Variants in CAPSL observed in about 807,000 individuals in gnomAD.
CAPSL encodes the protein calcyphosine like, also known as calcyphosin-like protein.
CAPSL carries 17 observed loss-of-function variants against 21.3 expected under a neutral mutation model. That is an observed-to-expected ratio of 0.80 (90% CI 0.55 to 1.20). The LOEUF (loss-of-function observed/expected upper bound fraction) is 1.20. CAPSL is among the 50% of genes most tolerant of loss of function. CAPSL has a pLI of 0.00. For synonymous variants in CAPSL, 102 were observed against 89.3 expected (o/e 1.14, Z -0.80); for missense variants, 289 against 259.3 (o/e 1.11, Z -0.79).
At chr5:35,931,160 C>T (rs559501893) in intron 1 of CAPSL, among the ~76,000 whole-genome samples, 2 of 152,244 alleles carry the variant, frequency 1.3e-5, no homozygotes, top group Admixed American at 6.5e-5. Flanking sequence ...AAAAATATTC[C>T]TAACTGATAC....
intron 2 of CAPSL, among the ~76,000 whole-genome samples, chr5:35,914,762 G>C (rs1387683720): frequency 2.0e-5 from 3 of 152,176 alleles, no homozygotes; most frequent in Admixed American, 2.0e-4. Flanking sequence ...AAGCAGGAAA[G>C]ATCTAAAATT....
intron 1 of CAPSL, among the ~76,000 whole-genome samples, chr5:35,926,350 T>A (rs1160062598): frequency 6.6e-6 from 1 of 152,150 alleles, no homozygotes; most frequent in East Asian, 1.9e-4. Context: ...AGGGAGGATA[T>A]TCACAGAAGC....
At chr5:35,932,803 C>CGTCA (rs1738854386) in intron 1 of CAPSL, among the ~76,000 whole-genome samples, 1 of 152,184 alleles carries the variant, frequency 6.6e-6, no homozygotes, top group East Asian at 1.9e-4. Flanking sequence ...TAAGGGCAGA[C>CGTCA]GTCAACACAT....
At chr5:35,922,642 A>C (rs1016709985) in intron 1 of CAPSL, among the ~76,000 whole-genome samples, 5 of 152,158 alleles carry the variant, frequency 3.3e-5, no homozygotes, top group Non-Finnish European at 7.4e-5. Context: ...AGAGACTTCC[A>C]TCTCCGTTCT....
rs376157808 is a variant in CAPSL at position 35,904,620 on chromosome 5, G to A, written c.552C>T (p.Tyr184=). 1 of 1,612,996 alleles carries A rather than the reference G, an allele frequency of 6.2e-7. No homozygotes were observed. Among genetic ancestry groups the A allele is most frequent in the Non-Finnish European group, 8.5e-7 (1 of 1,179,640 alleles). ...GLVTPEEFMN[Y]YAGVSASIDT... is the part of the protein sequence containing the mutation. ...CAATGGATGCGCTCACACCTGCATA[G>A]TAGTTCATGAACTCCTCAGGGGTCA... The change falls in exon 5 of 5, where the codon TAC becomes TAT. Residue 184 remains tyrosine (Y), a synonymous_variant. Coordinates refer to ENST00000651391, the MANE Select transcript of CAPSL (RefSeq NM_001042625.2).
chr5:35,921,834 C>A (rs922726926), intron 1 of CAPSL, among the ~76,000 whole-genome samples: 3 of 151,894 alleles, frequency 2.0e-5, no homozygotes, highest in Non-Finnish European at 4.4e-5. Context: ...ACCCCTCACC[C>A]CCATCTGCCT....
chr5:35,935,358 G>A (rs1580899678), intron 1 of CAPSL, among the ~76,000 whole-genome samples: 1 of 150,380 alleles, frequency 6.6e-6, no homozygotes, highest in East Asian at 1.9e-4. Flanking sequence ...TCTGAGACAG[G>A]GTCTCACTCT....
At chr5:35,907,036 A>G (rs547217557) in intron 4 of CAPSL, among the ~76,000 whole-genome samples, 1 of 152,326 alleles carries the variant, frequency 6.6e-6, no homozygotes, top group African/African-American at 2.4e-5. Flanking sequence ...CCCTCATCAT[A>G]GTAAATTGTT....
chr5:35,930,038 T>A (rs1263535572), intron 1 of CAPSL, among the ~76,000 whole-genome samples: 1 of 152,350 alleles, frequency 6.6e-6, no homozygotes, highest in South Asian at 2.1e-4. Context: ...CAATTTATTT[T>A]AAAAACTTTT....
intron 1 of CAPSL, among the ~76,000 whole-genome samples, chr5:35,929,319 C>A (rs1218662086): frequency 2.3e-5 from 3 of 132,818 alleles, no homozygotes; most frequent in Admixed American, 8.5e-5. Flanking sequence ...GAGTCTCGCT[C>A]TGTTGCCCAG....
intron 1 of CAPSL, among the ~76,000 whole-genome samples, chr5:35,936,437 A>G (rs1409947574): frequency 6.6e-6 from 1 of 152,124 alleles, no homozygotes; most frequent in African/African-American, 2.4e-5. Context: ...ATTTTAAAGA[A>G]TTTCCAGATT....
rs142374763 is a variant in CAPSL at position 35,923,963 on chromosome 5, A to G, written c.1-2843T>C. ...AGATTTAGTCATTCCACAATTATAC[A>G]TACTTCAAAACATCATGTTATACAA... On this transcript the variant is annotated intron_variant, in intron 1 of 4. Coordinates refer to ENST00000651391, the MANE Select transcript of CAPSL (RefSeq NM_001042625.2). 2.7e-3 allele frequency among the ~76,000 whole-genome samples: 417 copies of G among 152,328 alleles called. 4 individuals are homozygous for G. Among genetic ancestry groups the G allele is most frequent in the African/African-American group, 9.8e-3 (409 of 41,562 alleles).
chr5:35,914,910 T>C (rs902841897), intron 2 of CAPSL, among the ~76,000 whole-genome samples: 4 of 152,122 alleles, frequency 2.6e-5, no homozygotes, highest in African/African-American at 9.7e-5. Context: ...AAAAAATCAT[T>C]AAATCCAGGA....
At chr5:35,919,191 A>ATATAT (rs1561439733) in intron 2 of CAPSL, among the ~76,000 whole-genome samples, 1 of 107,450 alleles carries the variant, frequency 9.3e-6, no homozygotes, top group Admixed American at 9.2e-5. Flanking sequence ...ATATATATAT[A>ATATAT]AAAATTGTGA....
chr5:35,918,663 G>A (rs1256310616), intron 2 of CAPSL, among the ~76,000 whole-genome samples: 1 of 152,110 alleles, frequency 6.6e-6, no homozygotes, highest in Non-Finnish European at 1.5e-5. Context: ...ACTTTTAAAT[G>A]TCCTTAAATG....
At chr5:35,916,063 C>A in intron 2 of CAPSL, among the ~76,000 whole-genome samples, 1 of 144,024 alleles carries the variant, frequency 6.9e-6, no homozygotes. Flanking sequence ...TTCTTAAACA[C>A]AAATAACAGA....
intron 2 of CAPSL, among the ~76,000 whole-genome samples, chr5:35,911,549 G>A (rs1446507355): frequency 3.3e-5 from 5 of 152,194 alleles, no homozygotes; most frequent in Non-Finnish European, 7.3e-5. Flanking sequence ...AACCAGGAAA[G>A]TCTGAGAAAC....
chr5:35,910,849 C>G (rs59030624), intron 2 of CAPSL, among the ~76,000 whole-genome samples: 62,879 of 152,048 alleles, frequency 0.41, 13,454 homozygotes, highest in African/African-American at 0.47. Flanking sequence ...GTCAAAGAAA[C>G]TATCCTTTAT....
intron 1 of CAPSL, among the ~76,000 whole-genome samples, chr5:35,922,484 G>A (rs1441311179): frequency 6.6e-6 from 1 of 152,022 alleles, no homozygotes; most frequent in African/African-American, 2.4e-5. Context: ...TGAACCTCGG[G>A]TCAAGAAGGA....
Sources: allele counts gnomAD v4.1 joint callset (sites outside exome capture counted in the v4.1 genomes callset), GRCh38; gene constraint gnomAD v4.1.1; transcripts MANE v1.5; gene names NCBI Gene and HGNC (gene_info 2026-07-23, HGNC 2026-07-21).